Variants in PAX5 observed in about 807,000 individuals in gnomAD.
PAX5 encodes the protein paired box protein Pax-5.
In PAX5, 9 loss-of-function variants were observed where a neutral mutation model predicts 43.7. The ratio of observed to expected loss-of-function variants is 0.21; its 90% CI spans 0.12 to 0.36. The LOEUF (loss-of-function observed/expected upper bound fraction) is 0.36. Ranked by LOEUF, PAX5 falls within the 10% of genes least tolerant of loss-of-function variation. PAX5 has a pLI of 1.00. For synonymous variants in PAX5, 228 were observed against 214.3 expected (o/e 1.06, Z -0.56); for missense variants, 383 against 532.7 (o/e 0.72, Z 2.77).
chr9:36,940,832 C>T (rs1831989751), intron 6 of PAX5, among the ~76,000 whole-genome samples: 1 of 152,184 alleles, frequency 6.6e-6, no homozygotes, highest in African/African-American at 2.4e-5. Flanking sequence ...CTCCAGGTAC[C>T]TAGAGCAGTG....
chr9:36,871,713 C>G (rs1825510609), intron 8 of PAX5, among the ~76,000 whole-genome samples: 1 of 152,214 alleles, frequency 6.6e-6, no homozygotes, highest in Admixed American at 6.5e-5. Flanking sequence ...GCAGTTGGAT[C>G]TGGGGCCTGC....
intron 6 of PAX5, among the ~76,000 whole-genome samples, chr9:36,964,288 G>T (rs1834226056): frequency 1.4e-5 from 2 of 146,300 alleles, no homozygotes; most frequent in Non-Finnish European, 3.0e-5. Context: ...CTCAAAAAAA[G>T]AAAAAAGATA....
intron 7 of PAX5, among the ~76,000 whole-genome samples, chr9:36,892,348 T>C (rs1011295326): frequency 6.6e-6 from 1 of 152,244 alleles, no homozygotes; most frequent in African/African-American, 2.4e-5. Flanking sequence ...GATGCAAAGA[T>C]GATAACAGTA....
intron 8 of PAX5, among the ~76,000 whole-genome samples, chr9:36,867,279 C>T (rs1207553158): frequency 1.3e-5 from 2 of 152,214 alleles, no homozygotes; most frequent in Non-Finnish European, 2.9e-5. Flanking sequence ...CTTCGGTATA[C>T]ACCTGGTGTC....
intron 7 of PAX5, among the ~76,000 whole-genome samples, chr9:36,897,374 T>A (rs770858381): frequency 6.6e-6 from 1 of 152,112 alleles, no homozygotes; most frequent in Non-Finnish European, 1.5e-5. Context: ...CCCATGAGCC[T>A]CCAGGGGGAC....
rs963408411 is a variant in PAX5, at chr9:36,838,194, C to T, written c.*2366G>A. 16 of 233,088 alleles carry T rather than the reference C, an allele frequency of 6.9e-5. No individual in the cohort carries two copies. Among genetic ancestry groups the T allele is most frequent in the African/African-American group, 2.0e-4 (9 of 45,300 alleles). 14.4% of individuals were successfully genotyped at this position (233,088 alleles called of 1,614,324 possible). On this transcript the variant is annotated 3_prime_UTR_variant, in exon 10 of 10. Coordinates refer to ENST00000358127, the MANE Select transcript of PAX5 (RefSeq NM_016734.3). The stretch of plus-strand genomic sequence containing the variant: ...TTGCCCCGCAGGTTCTGGGTGGGGG[C>T]GGGGGTGCATGTGCCTGCTGTGAGC...
intron 6 of PAX5, among the ~76,000 whole-genome samples, chr9:36,956,367 G>T (rs942961427): frequency 6.6e-6 from 1 of 152,150 alleles, no homozygotes; most frequent in Non-Finnish European, 1.5e-5. Flanking sequence ...CAGACAGGAG[G>T]AAAAACTGTA....
Position 36,962,611 on chromosome 9 carries a change from G to A in PAX5, c.780+3938C>T, listed in dbSNP as rs577408896. ...TGCTGCAGCTGTTCTTGTTGTTGTCGTCATCAAAATCATGATCACTTCTAC... is the reference window on the plus strand; with the variant it reads ...TGCTGCAGCTGTTCTTGTTGTTGTCATCATCAAAATCATGATCACTTCTAC... On this transcript the variant is annotated intron_variant, in intron 6 of 9. Transcript: ENST00000358127. 1.2e-4 allele frequency among the ~76,000 whole-genome samples: 19 copies of A among 152,218 alleles called. 1 individual carries two copies. The South Asian group carries it at 3.1e-3, about 25-fold the overall frequency.
chr9:36,881,773 T>C (rs564016549), intron 8 of PAX5, among the ~76,000 whole-genome samples: 1 of 152,138 alleles, frequency 6.6e-6, no homozygotes, highest in East Asian at 1.9e-4. Context: ...AAGGCCTGTT[T>C]GAGTGACAGT....
chr9:36,857,547 A>G (rs1249015864), intron 8 of PAX5, among the ~76,000 whole-genome samples: 1 of 152,224 alleles, frequency 6.6e-6, no homozygotes, highest in Non-Finnish European at 1.5e-5. Flanking sequence ...TAGAAATGGA[A>G]CTTCATACTA....
intron 1 of PAX5, among the ~76,000 whole-genome samples, chr9:37,022,797 T>A (rs1839966872): frequency 1.3e-5 from 2 of 152,184 alleles, no homozygotes; most frequent in African/African-American, 4.8e-5. Flanking sequence ...CCACATAGGC[T>A]GAGATAGTAA....
chr9:36,834,376 T>C lies in PAX5; in HGVS notation c.*6184A>G, dbSNP rs1821490618. On this transcript the variant is annotated 3_prime_UTR_variant, in exon 10 of 10. Transcript: ENST00000358127. ...TTGGCATGGGGAGACTCAGTGCTGT[T>C]TCTGAGTTTCAAGTATGTCTGAGGT... 8.6e-6 allele frequency: 2 copies of C among 232,876 alleles called. No individual in the cohort carries two copies. Among genetic ancestry groups the C allele is most frequent in the African/African-American group, 2.2e-5 (1 of 45,178 alleles). The allele number at this position is 232,876 out of a possible 1,614,324, so 14.4% of individuals were successfully genotyped here.
intron 8 of PAX5, among the ~76,000 whole-genome samples, chr9:36,880,074 C>T (rs1295064811): frequency 6.6e-6 from 1 of 152,260 alleles, no homozygotes; most frequent in Non-Finnish European, 1.5e-5. Flanking sequence ...ATGAAATATG[C>T]TCCATCCTCC....
intron 8 of PAX5, among the ~76,000 whole-genome samples, chr9:36,864,041 A>G (rs1470802204): frequency 6.6e-6 from 1 of 152,206 alleles, no homozygotes; most frequent in Non-Finnish European, 1.5e-5. Flanking sequence ...CCCACGAGGC[A>G]GAGGTTGCAG....
rs550700195 is a variant in PAX5 at position 36,953,533 on chromosome 9, C to A, written c.780+13016G>T. Among the ~76,000 whole-genome samples the A allele has an allele frequency of 2.0e-4, 30 of 152,188 alleles. 1 individual carries two copies. The South Asian group carries it at 6.0e-3, about 31-fold the overall frequency. Reference sequence around the variant, plus strand: ...GTTTTGTTTTTTCATTCTTTTTTCTCTTTGCTTTTCAGTGTGGGAAAGTTT... The same window carrying A: ...GTTTTGTTTTTTCATTCTTTTTTCTATTTGCTTTTCAGTGTGGGAAAGTTT... On this transcript the variant is annotated intron_variant, in intron 6 of 9. Coordinates refer to ENST00000358127, the MANE Select transcript of PAX5 (RefSeq NM_016734.3).
Position 36,836,542 on chromosome 9 carries a change from C to T in PAX5, c.*4018G>A. On this transcript the variant is annotated 3_prime_UTR_variant, in exon 10 of 10. Transcript: ENST00000358127. ...TTTTACAAGTTTTCATACTTGAATG[C>T]CACTCAGGGGGGCAGGCACACTTCT... The T allele has an allele frequency of 4.3e-6, 1 of 233,056 alleles. No individual in the cohort carries two copies. Among genetic ancestry groups the T allele is most frequent in the Non-Finnish European group, 8.5e-6 (1 of 117,888 alleles). 14.4% of individuals were successfully genotyped at this position (233,056 alleles called of 1,614,324 possible).
chr9:37,002,886 G>T, intron 4 of PAX5, 110 bp from the exon 5 acceptor site: 2 of 1,337,558 alleles, frequency 1.5e-6, no homozygotes, highest in Non-Finnish European at 2.0e-6. Flanking sequence ...CGCAGGGTGG[G>T]CAGGGGGCGC....
At chr9:36,936,093 C>T (rs1166757215) in intron 6 of PAX5, among the ~76,000 whole-genome samples, 3 of 152,228 alleles carry the variant, frequency 2.0e-5, no homozygotes, top group African/African-American at 7.2e-5. Context: ...TTCTCCTTCC[C>T]TTAACCAGTG....
intron 5 of PAX5, among the ~76,000 whole-genome samples, chr9:36,982,122 AG>A (rs1428570379): frequency 3.3e-5 from 5 of 152,146 alleles, no homozygotes; most frequent in Admixed American, 2.6e-4. Flanking sequence ...AAAATCAGCT[AG>A]GTGTGGTGGC....
Sources: allele counts gnomAD v4.1 joint callset (sites outside exome capture counted in the v4.1 genomes callset), GRCh38; gene constraint gnomAD v4.1.1; transcripts MANE v1.5; gene names NCBI Gene and HGNC (gene_info 2026-07-23, HGNC 2026-07-21).